NPAS3: variants seen among roughly 807,000 people sequenced by gnomAD.
NPAS3 encodes neuronal PAS domain-containing protein 3.
A neutral mutation model predicts 73.1 loss-of-function variants in NPAS3; 14 were observed. The observed-to-expected ratio is 0.19, with a 90% CI of 0.13 to 0.30. The LOEUF (loss-of-function observed/expected upper bound fraction) is 0.30. Among genes scored for constraint, NPAS3 ranks in the 10% least tolerant of loss-of-function variants. NPAS3 has a pLI of 1.00. For missense variants in NPAS3, 1,096 were observed against 1,250.0 expected (o/e 0.88, Z 1.86); for synonymous variants, 620 against 541.5 (o/e 1.14, Z -2.01).
intron 4 of NPAS3, among the ~76,000 whole-genome samples, chr14:33,544,270 A>G (rs758194766): frequency 6.6e-5 from 10 of 151,948 alleles, no homozygotes; most frequent in African/African-American, 9.7e-5. Flanking sequence ...GGCCTCCCAA[A>G]GCACTGGGAT....
intron 3 of NPAS3, among the ~76,000 whole-genome samples, chr14:33,289,484 T>C (rs766809495): frequency 5.3e-5 from 8 of 152,190 alleles, no homozygotes; most frequent in Non-Finnish European, 8.8e-5. Context: ...ATGGCTTTAG[T>C]AATCTCTCCT....
At chr14:33,667,626 GA>G (rs2059489457) in intron 5 of NPAS3, among the ~76,000 whole-genome samples, 1 of 152,144 alleles carries the variant, frequency 6.6e-6, no homozygotes, top group African/African-American at 2.4e-5. Flanking sequence ...TTTCATAGAA[GA>G]TAACCTCAAA....
intron 3 of NPAS3, among the ~76,000 whole-genome samples, chr14:33,360,636 C>A (rs1424249660): frequency 6.6e-6 from 1 of 152,056 alleles, no homozygotes; most frequent in Non-Finnish European, 1.5e-5. Flanking sequence ...TCCCACCCCC[C>A]AAAAAAGTAC....
intron 2 of NPAS3, among the ~76,000 whole-genome samples, chr14:33,154,623 T>C (rs191184573): frequency 5.0e-4 from 76 of 152,312 alleles, no homozygotes; most frequent in Admixed American, 5.0e-3. Flanking sequence ...AGGATGTTGG[T>C]CCCATGTAGA....
intron 9 of NPAS3, among the ~76,000 whole-genome samples, chr14:33,791,537 C>A (rs765447648): frequency 6.6e-6 from 1 of 152,162 alleles, no homozygotes; most frequent in Non-Finnish European, 1.5e-5. Context: ...AGCAAAGAAG[C>A]CTTTCAGCCC....
chr14:32,953,135 GA>G (rs566708758), intron 1 of NPAS3, among the ~76,000 whole-genome samples: 8,079 of 118,242 alleles, frequency 0.068, 347 homozygotes, highest in African/African-American at 0.15. Context: ...CAAAAAAAAA[GA>G]AAAAAAAAAA....
intron 1 of NPAS3, among the ~76,000 whole-genome samples, chr14:32,989,131 C>G (rs2038212233): frequency 6.6e-6 from 1 of 152,170 alleles, no homozygotes; most frequent in Non-Finnish European, 1.5e-5. Context: ...TAGAGCTGGG[C>G]TACCAGTTGC....
Position 33,693,408 on chromosome 14 carries a change from C to T in NPAS3, c.733+17023C>T, listed in dbSNP as rs2060287479. The stretch of plus-strand genomic sequence containing the variant: ...GAGTTTGTGGTTCAGTGTTGACCTT[C>T]CGCATACCCATGTGGAGATCATTAC... On this transcript the variant is annotated intron_variant, in intron 6 of 11. Transcript: ENST00000356141. Among the ~76,000 whole-genome samples, 3 of 152,296 alleles carry T rather than the reference C, an allele frequency of 2.0e-5. No individual in the cohort carries two copies. In the South Asian group the frequency reaches 6.2e-4, roughly 32 times the overall value.
chr14:33,015,470 C>A (rs2039357099), intron 1 of NPAS3, among the ~76,000 whole-genome samples: 2 of 152,178 alleles, frequency 1.3e-5, no homozygotes, highest in South Asian at 4.1e-4. Flanking sequence ...TGTCAGATAT[C>A]TGTATGCTGA....
intron 5 of NPAS3, among the ~76,000 whole-genome samples, chr14:33,655,143 G>A (rs2059108410): frequency 6.6e-6 from 1 of 152,006 alleles, no homozygotes; most frequent in Non-Finnish European, 1.5e-5. Context: ...AACCTGGAGG[G>A]AATAATACCC....
At chr14:33,081,531 A>G (rs1180749556) in intron 2 of NPAS3, among the ~76,000 whole-genome samples, 1 of 152,214 alleles carries the variant, frequency 6.6e-6, no homozygotes, top group Non-Finnish European at 1.5e-5. Context: ...GTGTAAATAG[A>G]GACTTCTTCT....
At chr14:33,133,803 A>G (rs2043729327) in intron 2 of NPAS3, among the ~76,000 whole-genome samples, 1 of 152,160 alleles carries the variant, frequency 6.6e-6, no homozygotes, top group Non-Finnish European at 1.5e-5. Flanking sequence ...CTTCTTGGTG[A>G]CATGATATAG....
intron 4 of NPAS3, among the ~76,000 whole-genome samples, chr14:33,402,657 C>T (rs903721124): frequency 3.3e-5 from 5 of 152,132 alleles, no homozygotes; most frequent in Non-Finnish European, 7.4e-5. Flanking sequence ...TCCTCCAACT[C>T]CACCACCCTC....
At chr14:33,442,608 G>A (rs561103827) in intron 4 of NPAS3, among the ~76,000 whole-genome samples, 7 of 152,254 alleles carry the variant, frequency 4.6e-5, no homozygotes, top group Middle Eastern at 3.4e-3. Context: ...AAGGGGCTTC[G>A]CCCTTCACTT....
At chr14:33,720,634 C>G (rs1205641438) in intron 6 of NPAS3, among the ~76,000 whole-genome samples, 1 of 152,158 alleles carries the variant, frequency 6.6e-6, no homozygotes, top group Non-Finnish European at 1.5e-5. Flanking sequence ...ACAGGTTAGG[C>G]ATTTTATCCT....
chr14:33,588,921 C>T (rs778868873), intron 5 of NPAS3, among the ~76,000 whole-genome samples: 7 of 152,254 alleles, frequency 4.6e-5, no homozygotes, highest in South Asian at 2.1e-4. Flanking sequence ...GCACCTGGCC[C>T]ATAGATTTTT....
intron 7 of NPAS3, among the ~76,000 whole-genome samples, chr14:33,767,113 C>A (rs1298258507): frequency 6.6e-6 from 1 of 152,142 alleles, no homozygotes; most frequent in Non-Finnish European, 1.5e-5. Flanking sequence ...TCAGCTAAGG[C>A]TTGTTTTTAT....
chr14:33,787,793 G>A (rs1235675290), intron 9 of NPAS3, among the ~76,000 whole-genome samples: 2 of 152,242 alleles, frequency 1.3e-5, no homozygotes, highest in African/African-American at 4.8e-5. Flanking sequence ...GGCTATAATT[G>A]TGTTTCTCCT....
At chr14:33,122,153 G>C (rs1210681700) in intron 2 of NPAS3, among the ~76,000 whole-genome samples, 1 of 151,772 alleles carries the variant, frequency 6.6e-6, no homozygotes, top group East Asian at 1.9e-4. Context: ...ACAGCACTGG[G>C]CTGTAAAGGG....
Sources: gnomAD v4.1 joint callset for allele counts (sites outside exome capture counted in the v4.1 genomes callset) on GRCh38, gnomAD v4.1.1 for gene constraint, MANE v1.5 for transcripts, NCBI Gene and HGNC (gene_info 2026-07-23, HGNC 2026-07-21) for gene names.